The following NTNG1 variants were observed in gnomAD, a reference collection of about 807,000 sequenced individuals.
NTNG1 encodes the protein netrin G1, also known as netrin-G1.
A neutral mutation model predicts 54.0 loss-of-function variants in NTNG1; 16 were observed. The observed-to-expected ratio is 0.30, with a 90% CI of 0.20 to 0.45. The LOEUF is 0.45. Ranked by LOEUF, NTNG1 falls within the 20% of genes least tolerant of loss-of-function variation. The pLI is 1.00. For missense variants in NTNG1, 530 were observed against 678.7 expected (o/e 0.78, Z 2.43); for synonymous variants, 255 against 263.1 (o/e 0.97, Z 0.30).
intron 2 of NTNG1, among the ~76,000 whole-genome samples, chr1:107,322,545 T>TA (rs1667716250): frequency 6.6e-6 from 1 of 152,088 alleles, no homozygotes; most frequent in Non-Finnish European, 1.5e-5. Flanking sequence ...TAGCCCTCCA[T>TA]AAAAAGCCTT....
intron 2 of NTNG1, among the ~76,000 whole-genome samples, chr1:107,309,421 G>A (rs1417359292): frequency 6.6e-6 from 1 of 152,136 alleles, no homozygotes; most frequent in Non-Finnish European, 1.5e-5. Context: ...ACATACAATT[G>A]ATTCTTTAAT....
At chr1:107,189,434 A>T (rs1232788835) in intron 2 of NTNG1, among the ~76,000 whole-genome samples, 1 of 149,388 alleles carries the variant, frequency 6.7e-6, no homozygotes, top group Non-Finnish European at 1.5e-5. Flanking sequence ...AGTTTTTTTT[A>T]AAGGAAAATA....
At chr1:107,352,883 A>G (rs1669709496) in intron 3 of NTNG1, among the ~76,000 whole-genome samples, 1 of 152,222 alleles carries the variant, frequency 6.6e-6, no homozygotes, top group African/African-American at 2.4e-5. Context: ...TCCTAGCTGT[A>G]GGTGGGCCCC....
intron 2 of NTNG1, among the ~76,000 whole-genome samples, chr1:107,242,517 T>A (rs1661911014): frequency 1.3e-5 from 2 of 152,224 alleles, no homozygotes; most frequent in African/African-American, 4.8e-5. Flanking sequence ...CTCTGAGCTT[T>A]ACTGAACACC....
Position 107,259,345 on chromosome 1 carries a change from T to C in NTNG1, c.247-64937T>C, listed in dbSNP as rs190692792. ...AGTGTGTTCATTGGAAAAAGCTCGGTGCTATAAATAACAGGAATAAATTGA... is the reference window on the plus strand; with the variant it reads ...AGTGTGTTCATTGGAAAAAGCTCGGCGCTATAAATAACAGGAATAAATTGA... On this transcript the variant is annotated intron_variant, in intron 2 of 7. Transcript: ENST00000370068. Among the ~76,000 whole-genome samples, 359 of 152,106 alleles carry C rather than the reference T, an allele frequency of 2.4e-3. 1 individual carries two copies. The highest frequency in any genetic ancestry group is 4.1e-3 in the Non-Finnish European group (280 of 67,992).
At chr1:107,393,838 G>A (rs1672512562) in intron 3 of NTNG1, among the ~76,000 whole-genome samples, 1 of 152,098 alleles carries the variant, frequency 6.6e-6, no homozygotes, top group African/African-American at 2.4e-5. Flanking sequence ...AGCCAACATG[G>A]TTGTTAAGGA....
intron 5 of NTNG1, chr1:107,421,268 A>G: frequency 3.0e-6 from 2 of 658,528 alleles, no homozygotes; most frequent in Non-Finnish European, 5.4e-6. Flanking sequence ...GTTGACTAAT[A>G]TCAATCAATG....
chr1:107,204,795 G>T (rs991467547), intron 2 of NTNG1, among the ~76,000 whole-genome samples: 1 of 152,012 alleles, frequency 6.6e-6, no homozygotes, highest in Non-Finnish European at 1.5e-5. Context: ...CCTCCTACCC[G>T]CACCCCTGCA....
intron 3 of NTNG1, among the ~76,000 whole-genome samples, chr1:107,368,054 G>T (rs979578340): frequency 6.6e-6 from 1 of 151,990 alleles, no homozygotes; most frequent in African/African-American, 2.4e-5. Context: ...CACCGTGCCC[G>T]GCCTAAAAAC....
At chr1:107,478,001 C>T (rs559241019) in intron 7 of NTNG1, among the ~76,000 whole-genome samples, 6 of 152,204 alleles carry the variant, frequency 3.9e-5, no homozygotes, top group South Asian at 2.1e-4. Flanking sequence ...ATTTTCTTTG[C>T]GGGGTTAAGT....
intron 4 of NTNG1, 68 bp downstream of exon 4, chr1:107,395,394 T>C: frequency 7.1e-7 from 1 of 1,415,678 alleles, no homozygotes; most frequent in Non-Finnish European, 1.0e-6. Flanking sequence ...TCAATTTTGC[T>C]TACAATTGTG....
At chr1:107,167,268 A>C (rs1655868870) in intron 2 of NTNG1, among the ~76,000 whole-genome samples, 1 of 151,942 alleles carries the variant, frequency 6.6e-6, no homozygotes, top group South Asian at 2.1e-4. Flanking sequence ...GAATTTATGC[A>C]TGTTCACCGA....
In NTNG1 at chr1:107,481,484, C is replaced by T. The variant is rs1263684810; in HGVS notation, c.*644C>T. On this transcript the variant is annotated 3_prime_UTR_variant, in exon 8 of 8. Coordinates refer to ENST00000370068, the MANE Select transcript of NTNG1 (RefSeq NM_001113226.3). ...CAGCACTGAGTCCAGTGCGAGCACA[C>T]ACCCACTATACAAGAGTGGCTATAG... The T allele has an allele frequency of 6.6e-6, 1 of 152,666 alleles. No individual in the cohort carries two copies. Among genetic ancestry groups the T allele is most frequent in the Non-Finnish European group, 1.5e-5 (1 of 68,066 alleles). 9.5% of individuals were successfully genotyped at this position (152,666 alleles called of 1,614,324 possible). A position where few individuals can be genotyped will look rare whatever the true frequency, so the allele number is the denominator to read the frequency against.
chr1:107,347,728 T>G (rs931678667), intron 3 of NTNG1, among the ~76,000 whole-genome samples: 2 of 152,192 alleles, frequency 1.3e-5, no homozygotes, highest in African/African-American at 4.8e-5. Context: ...CTCACAGTTC[T>G]GCATTGCTGG....
At chr1:107,173,531 G>A (rs1054425810) in intron 2 of NTNG1, among the ~76,000 whole-genome samples, 12 of 152,066 alleles carry the variant, frequency 7.9e-5, no homozygotes, top group African/African-American at 2.7e-4. Context: ...TGCCAAACCC[G>A]GAATCCTTCA....
At chr1:107,459,405 G>A (rs551294343) in intron 7 of NTNG1, among the ~76,000 whole-genome samples, 4 of 152,206 alleles carry the variant, frequency 2.6e-5, no homozygotes, top group African/African-American at 9.6e-5. Context: ...CCTGTTCTCT[G>A]CATTCACAGC....
At chr1:107,169,436 A>C (rs1274092367) in intron 2 of NTNG1, among the ~76,000 whole-genome samples, 1 of 152,102 alleles carries the variant, frequency 6.6e-6, no homozygotes, top group East Asian at 1.9e-4. Context: ...AATAGTGTAC[A>C]TTAGATCCAC....
intron 7 of NTNG1, among the ~76,000 whole-genome samples, chr1:107,445,259 T>C (rs1676237978): frequency 6.6e-6 from 1 of 152,096 alleles, no homozygotes; most frequent in Non-Finnish European, 1.5e-5. Flanking sequence ...CTCCAAAGAA[T>C]GTTTGCTCAA....
intron 2 of NTNG1, among the ~76,000 whole-genome samples, chr1:107,220,728 A>AT (rs1660284360): frequency 1.3e-5 from 2 of 152,240 alleles, no homozygotes; most frequent in African/African-American, 4.8e-5. Context: ...TTGACATAAG[A>AT]TAAATGCCTA....
Sources: allele counts gnomAD v4.1 joint callset (sites outside exome capture counted in the v4.1 genomes callset), GRCh38; gene constraint gnomAD v4.1.1; transcripts MANE v1.5; gene names NCBI Gene and HGNC (gene_info 2026-07-23, HGNC 2026-07-21).